The following WWOX variants were observed in gnomAD, a reference collection of about 807,000 sequenced individuals.
WWOX encodes the protein WW domain containing oxidoreductase.
Under a neutral mutation model 46.2 loss-of-function variants are expected in WWOX, and 69 were observed. The observed-to-expected ratio is 1.49, with a 90% CI of 1.23 to 1.82. WWOX has a LOEUF of 1.82. Among genes scored for constraint, WWOX ranks in the 40% most tolerant of loss-of-function variants. The pLI is 0.00. For synonymous variants in WWOX, 359 were observed against 202.6 expected (o/e 1.77, Z -6.56); for missense variants, 919 against 542.6 (o/e 1.69, Z -6.89).
At chr16:79,045,983 G>A (rs1399487692) in intron 8 of WWOX, among the ~76,000 whole-genome samples, 1 of 151,640 alleles carries the variant, frequency 6.6e-6, no homozygotes, top group Non-Finnish European at 1.5e-5. Context: ...TGTATTTTTA[G>A]TAGAGACGGG....
intron 8 of WWOX, among the ~76,000 whole-genome samples, chr16:78,639,502 G>C (rs1340301284): frequency 6.6e-6 from 1 of 152,074 alleles, no homozygotes; most frequent in Non-Finnish European, 1.5e-5. Flanking sequence ...AGTTGCCTCT[G>C]GGAGGACCTG....
At chr16:78,945,381 G>T (rs1042452948) in intron 8 of WWOX, among the ~76,000 whole-genome samples, 2 of 152,064 alleles carry the variant, frequency 1.3e-5, no homozygotes, top group East Asian at 1.9e-4. Flanking sequence ...CTTTATAATT[G>T]TGAAATCCAC....
chr16:79,048,525 A>G (rs534095172), intron 8 of WWOX, among the ~76,000 whole-genome samples: 32 of 152,130 alleles, frequency 2.1e-4, no homozygotes, highest in Admixed American at 9.2e-4. Context: ...ATATATATAT[A>G]TAAAAATTTG....
chr16:79,141,924 C>G (rs1384933425), intron 8 of WWOX, among the ~76,000 whole-genome samples: 1 of 152,160 alleles, frequency 6.6e-6, no homozygotes, highest in Non-Finnish European at 1.5e-5. Flanking sequence ...GTTAGTATGA[C>G]TCTCCAGTGC....
At chr16:78,835,028 A>G (rs147680199) in intron 8 of WWOX, among the ~76,000 whole-genome samples, 8 of 152,078 alleles carry the variant, frequency 5.3e-5, no homozygotes, top group Non-Finnish European at 1.0e-4. Context: ...TTTCCACTCA[A>G]ATTTTTAAAG....
At chr16:79,000,653 T>A (rs1220056976) in intron 8 of WWOX, among the ~76,000 whole-genome samples, 1 of 152,226 alleles carries the variant, frequency 6.6e-6, no homozygotes, top group African/African-American at 2.4e-5. Flanking sequence ...GAAGCCCTGC[T>A]GACCTTTGAT....
chr16:78,713,295 A>G (rs1031206374), intron 8 of WWOX, among the ~76,000 whole-genome samples: 3 of 150,546 alleles, frequency 2.0e-5, no homozygotes, highest in Admixed American at 2.0e-4. Flanking sequence ...AAAAAAAAAA[A>G]AAAAAAGCTA....
chr16:78,134,910 A>G (rs774070883), intron 4 of WWOX, among the ~76,000 whole-genome samples: 2 of 152,236 alleles, frequency 1.3e-5, no homozygotes, highest in African/African-American at 2.4e-5. Context: ...GAGAAAATCC[A>G]GAAGAAAGCA....
intron 5 of WWOX, among the ~76,000 whole-genome samples, chr16:78,343,291 C>G (rs964275727): frequency 2.5e-5 from 3 of 120,314 alleles, no homozygotes; most frequent in African/African-American, 5.6e-5. Context: ...GCTGATTGAG[C>G]AAACTAATCC....
At chr16:78,269,242 C>T (rs758630681) in intron 5 of WWOX, 13 of 152,156 alleles carry the variant, frequency 8.5e-5, no homozygotes, top group Non-Finnish European at 1.0e-4. Flanking sequence ...ATATGTCAGA[C>T]GTGACTTTAT....
intron 8 of WWOX, among the ~76,000 whole-genome samples, chr16:78,914,689 C>G (rs530990313): frequency 2.0e-5 from 3 of 151,740 alleles, no homozygotes; most frequent in African/African-American, 7.2e-5. Context: ...ACTATCCTGG[C>G]TAACACGGTG....
intron 5 of WWOX, among the ~76,000 whole-genome samples, chr16:78,321,506 G>T (rs189561768): frequency 6.3e-4 from 96 of 151,582 alleles, no homozygotes; most frequent in Non-Finnish European, 1.1e-3. Context: ...ACTTGGAGTG[G>T]ATTCGTAGTC....
intron 8 of WWOX, among the ~76,000 whole-genome samples, chr16:78,901,546 G>C (rs371084877): frequency 3.3e-5 from 5 of 152,254 alleles, no homozygotes; most frequent in African/African-American, 9.6e-5. Flanking sequence ...CGAGTACATT[G>C]GTAGGATCTT....
chr16:78,830,565 C>T (rs1357707803), intron 8 of WWOX, among the ~76,000 whole-genome samples: 6 of 152,050 alleles, frequency 3.9e-5, no homozygotes, highest in Non-Finnish European at 8.8e-5. Context: ...CATCTTCTTT[C>T]ACCTCTAGGA....
At chr16:78,195,367 C>T (rs76428924) in intron 5 of WWOX, among the ~76,000 whole-genome samples, 1,906 of 152,190 alleles carry the variant, frequency 0.013, 91 homozygotes, top group East Asian at 0.085. Context: ...ATCCCTGGGA[C>T]CCAGCAGCTG....
intron 8 of WWOX, among the ~76,000 whole-genome samples, chr16:78,636,778 T>A (rs1329894684): frequency 6.6e-6 from 1 of 152,180 alleles, no homozygotes; most frequent in Non-Finnish European, 1.5e-5. Context: ...ATGTGTTTGC[T>A]TCTGGAAGGG....
chr16:78,624,481 A>G (rs16948211), intron 8 of WWOX, among the ~76,000 whole-genome samples: 2,487 of 152,316 alleles, frequency 0.016, 69 homozygotes, highest in African/African-American at 0.056. Flanking sequence ...GCAATAAGAA[A>G]ACCATTCAAA....
At chr16:78,387,907 C>T (rs2082093794) in intron 6 of WWOX, among the ~76,000 whole-genome samples, 1 of 152,010 alleles carries the variant, frequency 6.6e-6, no homozygotes, top group African/African-American at 2.4e-5. Context: ...TCATAAATGA[C>T]AAGCTGCCTT....
intron 8 of WWOX, among the ~76,000 whole-genome samples, chr16:78,991,728 G>A (rs775781311): frequency 6.6e-5 from 10 of 151,874 alleles, no homozygotes; most frequent in Non-Finnish European, 4.4e-5. Context: ...ACCCCTCCTC[G>A]TGGTGATGTT....
Sources: allele counts gnomAD v4.1 joint callset (sites outside exome capture counted in the v4.1 genomes callset), GRCh38; gene constraint gnomAD v4.1.1; transcripts MANE v1.5; gene names NCBI Gene and HGNC (gene_info 2026-07-23, HGNC 2026-07-21).